The following ORC4 variants were observed in gnomAD, a reference collection of about 807,000 sequenced individuals.
The protein encoded by ORC4 is origin recognition complex, subunit 4 homolog.
ORC4 carries 55 observed loss-of-function variants against 63.9 expected under a neutral mutation model. The observed-to-expected ratio is 0.86, with a 90% CI of 0.69 to 1.08. The LOEUF is 1.08. Ranked by LOEUF, ORC4 falls within the 50% of genes least tolerant of loss-of-function variation. ORC4 has a pLI of 0.00. For synonymous variants in ORC4, 150 were observed against 168.5 expected, an observed-to-expected ratio of 0.89 and a Z score of 0.85; for missense variants, 511 against 504.4, an observed-to-expected ratio of 1.01 and a Z score of -0.13.
intron 4 of ORC4, among the ~76,000 whole-genome samples, chr2:147,972,002 G>C (rs764839979): frequency 9.9e-5 from 15 of 151,876 alleles, no homozygotes; most frequent in Non-Finnish European, 1.9e-4. Flanking sequence ...AAGTACATTG[G>C]TCAAAAATTG....
At chr2:148,021,486 GCTGCTGCTGCTACTGCTGCTGCTGCTA>G (rs970689941), upstream of ORC4, 12 of 577,158 alleles carry the variant, frequency 2.1e-5, no homozygotes, top group East Asian at 4.5e-5. Context: ...TGCTGTTGCT[GCTGCTGCTGCTACTGCTGCTGCTGCTA>G]CTGCTGCTGC....
Position 147,961,664 on chromosome 2 carries a change from T to C in ORC4, c.226-2798A>G, listed in dbSNP as rs190797756. ...GAAACTATATCAAAATGGAATGCCA[T>C]GCAAGGGACTCTTCCAGATTCCACT... On this transcript the variant is annotated intron_variant, in intron 4 of 13. Coordinates refer to ENST00000392857, the MANE Select transcript of ORC4 (RefSeq NM_181741.4). 4.3e-4 allele frequency among the ~76,000 whole-genome samples: 65 copies of C among 152,254 alleles called. No individual in the cohort carries two copies. The East Asian group carries it at 0.011, about 26-fold the overall frequency.
chr2:147,958,582 A>C (rs1368064940), intron 5 of ORC4, 199 bp from the exon 6 acceptor site: 9 of 583,472 alleles, frequency 1.5e-5, no homozygotes, highest in South Asian at 2.5e-5. Context: ...AAAAAAAAAA[A>C]ACCAAAAAAC....
chr2:147,971,816 A>G (rs1269010467), intron 4 of ORC4, among the ~76,000 whole-genome samples: 1 of 152,062 alleles, frequency 6.6e-6, no homozygotes, highest in African/African-American at 2.4e-5. Context: ...TTATATATAA[A>G]TGTGACAATT....
In ORC4 at chr2:147,973,508, C is replaced by A; in HGVS notation, c.74G>T (p.Arg25Leu). Reference sequence around the variant, plus strand: ...TGGACTCTGACGACAAAATCTTTCACGTAAAATTCTTTGTACCTGATGAAA... The same window carrying A: ...TGGACTCTGACGACAAAATCTTTCAAGTAAAATTCTTTGTACCTGATGAAA... ...ECLSQVQRIL[R>L]ERFCRQSPHS... The change falls in exon 3 of 14, where the codon CGT becomes CTT. Residue 25 changes from arginine (R) to leucine (L), a missense_variant. Transcript: ENST00000392857. 6.3e-7 allele frequency: 1 copy of A among 1,594,502 alleles called. No individual in the cohort carries two copies. The highest frequency in any genetic ancestry group is 2.2e-5 in the East Asian group (1 of 44,604).
At chr2:148,014,909 G>A (rs1374667017) in intron 1 of ORC4, among the ~76,000 whole-genome samples, 1 of 152,080 alleles carries the variant, frequency 6.6e-6, no homozygotes, top group Non-Finnish European at 1.5e-5. Flanking sequence ...ATTTCCAGCA[G>A]ATACTAAGGA....
At position 147,938,366 on chromosome 2, in the gene ORC4, A is replaced by G. The variant is rs767305708; in HGVS notation, c.986T>C (p.Ile329Thr). The G allele has an allele frequency of 1.1e-5, 18 of 1,604,696 alleles. No individual in the cohort carries two copies. The Admixed American group carries it at 2.7e-4, about 24-fold the overall frequency. The change falls in exon 12 of 14, where the codon ATA (isoleucine) becomes ACA (threonine). Residue 329 changes from isoleucine to threonine, a missense_variant. Transcript: ENST00000392857. The part of the protein sequence containing the change: ...HGLSVLEICL[I>T]IAMKHLNDIY... ...GTCATTTAAATGTTTCATTGCTATT[A>G]TAAGACAGATTTCCAAGACTGATAG...
At chr2:147,961,919 G>A (rs945210341) in intron 4 of ORC4, among the ~76,000 whole-genome samples, 3 of 152,154 alleles carry the variant, frequency 2.0e-5, no homozygotes, top group Non-Finnish European at 2.9e-5. Flanking sequence ...AAAAGATTAA[G>A]TTCAGATTTA....
rs1365623960 is a variant in ORC4 at position 147,972,812 on chromosome 2, A to C, written c.152T>G (p.Leu51Arg). ...QVQYKHLSEL[L>R]KRTALHGESN... ...CTCTCCATGGAGAGCAGTTCTTTTC[A>C]GCAGCTCACTTAAGTGTCTAAAATG... The change falls in exon 4 of 14, where the codon CTG (leucine) becomes CGG (arginine). Residue 51 changes from leucine to arginine, a missense_variant. Transcript: ENST00000392857. The C allele has an allele frequency of 1.2e-6, 2 of 1,609,722 alleles. No homozygotes were observed. Among genetic ancestry groups the C allele is most frequent in the South Asian group, 1.1e-5 (1 of 90,954 alleles).
intron 1 of ORC4, among the ~76,000 whole-genome samples, chr2:147,989,694 C>T (rs1356682645): frequency 2.0e-5 from 3 of 151,536 alleles, no homozygotes; most frequent in African/African-American, 4.9e-5. Context: ...GGCAATAGGG[C>T]GAGACTCATC....
chr2:148,020,804 C>A (rs1693668265), upstream of ORC4: 1 of 152,084 alleles, frequency 6.6e-6, no homozygotes, highest in South Asian at 2.0e-4. Flanking sequence ...CACGTGACCT[C>A]CTTTCGTCTC....
intron 8 of ORC4, among the ~76,000 whole-genome samples, chr2:147,949,788 G>T (rs1688851555): frequency 6.6e-6 from 1 of 152,164 alleles, no homozygotes; most frequent in Admixed American, 6.5e-5. Flanking sequence ...TTAGTCTGTA[G>T]TAATTGAATC....
At chr2:148,002,877 A>G (rs569590646) in intron 1 of ORC4, among the ~76,000 whole-genome samples, 16 of 151,774 alleles carry the variant, frequency 1.1e-4, no homozygotes, top group Non-Finnish European at 2.1e-4. Flanking sequence ...CCAGACTAAT[A>G]AAGAAAAGAG....
At chr2:147,937,779 A>G (rs1204785558) in intron 13 of ORC4, among the ~76,000 whole-genome samples, 2 of 152,022 alleles carry the variant, frequency 1.3e-5, no homozygotes, top group Non-Finnish European at 2.9e-5. Context: ...GGCCAATAAG[A>G]TTTTGTCTTT....
At chr2:147,959,756 T>C (rs1326855529) in intron 4 of ORC4, among the ~76,000 whole-genome samples, 2 of 152,142 alleles carry the variant, frequency 1.3e-5, no homozygotes, top group Admixed American at 6.5e-5. Context: ...TTTTAAAGCA[T>C]AGGGAATTCC....
chr2:148,006,981 G>A (rs984694694), intron 1 of ORC4, among the ~76,000 whole-genome samples: 43 of 152,172 alleles, frequency 2.8e-4, no homozygotes, highest in African/African-American at 9.2e-4. Flanking sequence ...GGTAACCCAG[G>A]GAATTCTCCC....
At chr2:147,949,380 ACAGT>A (rs917666385) in intron 8 of ORC4, among the ~76,000 whole-genome samples, 3 of 152,162 alleles carry the variant, frequency 2.0e-5, no homozygotes, top group African/African-American at 7.2e-5. Flanking sequence ...AAATTACTAA[ACAGT>A]CAGAAAGTGG....
chr2:148,019,930 A>G (rs1290602080), intron 1 of ORC4, among the ~76,000 whole-genome samples: 1 of 152,240 alleles, frequency 6.6e-6, no homozygotes, highest in Non-Finnish European at 1.5e-5. Flanking sequence ...AAGAATAGTA[A>G]CCAAAGAAAC....
Position 147,943,533 on chromosome 2 carries a change from A to G in ORC4, c.763-11T>C. 1 of 1,183,758 alleles carries G rather than the reference A, an allele frequency of 8.4e-7. No homozygotes were observed. 73.3% of individuals were successfully genotyped at this position (1,183,758 alleles called of 1,614,324 possible). A position where few individuals can be genotyped will look rare whatever the true frequency, so the allele number is the denominator to read the frequency against. On this transcript the variant is annotated splice_polypyrimidine_tract_variant and intron_variant, in intron 9 of 13. Transcript: ENST00000392857. ...ATCTTCTGAGAGATACTAAAAGGAAAAAAAAAAAAAAAGCCAAAATTGAGG... is the reference window on the plus strand; with the variant it reads ...ATCTTCTGAGAGATACTAAAAGGAAGAAAAAAAAAAAAGCCAAAATTGAGG...
Sources: gnomAD v4.1 joint callset for allele counts (sites outside exome capture counted in the v4.1 genomes callset) on GRCh38, gnomAD v4.1.1 for gene constraint, MANE v1.5 for transcripts, NCBI Gene and HGNC (gene_info 2026-07-23, HGNC 2026-07-21) for gene names.